Variants in CCDC149 observed in about 807,000 individuals in gnomAD.
CCDC149 encodes the protein coiled-coil domain containing 149.
Under a neutral mutation model 59.9 loss-of-function variants are expected in CCDC149, and 45 were observed. The ratio of observed to expected loss-of-function variants is 0.75; its 90% CI spans 0.59 to 0.96. The LOEUF is 0.96. CCDC149 is among the 40% of genes least tolerant of loss of function. The pLI is 0.00. For missense variants in CCDC149, 584 were observed against 664.7 expected (o/e 0.88, Z 1.33); for synonymous variants, 245 against 260.6 (o/e 0.94, Z 0.58).
At chr4:24,938,162 C>T (rs1227512397) in intron 1 of CCDC149, among the ~76,000 whole-genome samples, 2 of 152,118 alleles carry the variant, frequency 1.3e-5, no homozygotes, top group Non-Finnish European at 2.9e-5. Flanking sequence ...TTCAGCCAGA[C>T]CCTAAGAATG....
intron 12 of CCDC149, among the ~76,000 whole-genome samples, chr4:24,811,461 A>G (rs1023593521): frequency 6.6e-6 from 1 of 152,008 alleles, no homozygotes; most frequent in African/African-American, 2.4e-5. Flanking sequence ...CTCTCCTTCA[A>G]TCTAGTTCTG....
At chr4:24,816,652 T>C (rs934214115) in intron 12 of CCDC149, among the ~76,000 whole-genome samples, 2 of 152,168 alleles carry the variant, frequency 1.3e-5, no homozygotes, top group African/African-American at 4.8e-5. Flanking sequence ...TTAAAAATAA[T>C]AGTAATTATT....
chr4:24,808,598 C>G lies in CCDC149; in HGVS notation c.1414G>C (p.Glu472Gln), dbSNP rs1332340580. The G allele has an allele frequency of 8.4e-6, 13 of 1,552,236 alleles. No individual in the cohort carries two copies. Among genetic ancestry groups the G allele is most frequent in the Non-Finnish European group, 1.1e-5 (13 of 1,147,100 alleles). The change falls in exon 13 of 13, where the codon GAA becomes CAA. Residue 472 changes from glutamate (E) to glutamine (Q), a missense_variant. Physicochemically the swap from Glu to Gln is conservative, Grantham distance 29 (BLOSUM62 2). Coordinates refer to ENST00000635206, the MANE Select transcript of CCDC149 (RefSeq NM_001330643.2). The stretch of plus-strand genomic sequence containing the variant: ...CTCTCTCTTCTGACCTCTTCCAGTT[C>G]TGCAGCTGCCTGTTCCTTTGTCAGT...
intron 1 of CCDC149, among the ~76,000 whole-genome samples, chr4:24,893,049 A>G (rs1053899638): frequency 6.6e-6 from 1 of 152,220 alleles, no homozygotes; most frequent in Admixed American, 6.5e-5. Context: ...TCATGAGGGC[A>G]GAGCCTTCCT....
Position 24,822,497 on chromosome 4 carries a change from CTG to C in CCDC149, c.1040_1041del (p.Pro347ArgfsTer26). 1.3e-6 allele frequency: 2 copies of C among 1,513,610 alleles called. No individual in the cohort carries two copies. Among genetic ancestry groups the C allele is most frequent in the Non-Finnish European group, 1.8e-6 (2 of 1,130,406 alleles). 93.8% of individuals were successfully genotyped at this position (1,513,610 alleles called of 1,614,324 possible). A position where few individuals can be genotyped will look rare whatever the true frequency, so the allele number is the denominator to read the frequency against. Reference sequence around the variant, plus strand: ...ATTGTTTTCATGAGGTTCTGTTTACCTGGAAGACTCCACAAACCAGAAACTTC... The same window carrying C: ...ATTGTTTTCATGAGGTTCTGTTTACCGAAGACTCCACAAACCAGAAACTTC... On this transcript the variant is annotated frameshift_variant and splice_region_variant, in exon 10 of 13. Coordinates refer to ENST00000635206, the MANE Select transcript of CCDC149 (RefSeq NM_001330643.2). LOFTEE classifies it high-confidence loss of function.
intron 3 of CCDC149, among the ~76,000 whole-genome samples, chr4:24,873,038 A>G (rs976880712): frequency 6.8e-6 from 1 of 147,234 alleles, no homozygotes; most frequent in Non-Finnish European, 1.5e-5. Flanking sequence ...ACCAAATGGT[A>G]TGCACCCACC....
chr4:24,970,836 C>A (rs1723946697), intron 1 of CCDC149, among the ~76,000 whole-genome samples: 1 of 152,072 alleles, frequency 6.6e-6, no homozygotes, highest in Non-Finnish European at 1.5e-5. Flanking sequence ...GTGCAATGAG[C>A]CCCCTGGTGG....
intron 4 of CCDC149, among the ~76,000 whole-genome samples, chr4:24,841,622 G>A (rs1372354653): frequency 6.6e-6 from 1 of 152,218 alleles, no homozygotes; most frequent in Non-Finnish European, 1.5e-5. Flanking sequence ...CCGCAGAGGA[G>A]ATGGCAGAGC....
chr4:24,941,876 A>G (rs2109348867), intron 1 of CCDC149, among the ~76,000 whole-genome samples: 1 of 152,302 alleles, frequency 6.6e-6, no homozygotes, highest in South Asian at 2.1e-4. Flanking sequence ...TAGACCAATA[A>G]CAGGCTCTGA....
intron 1 of CCDC149, among the ~76,000 whole-genome samples, chr4:24,933,896 C>A (rs775040564): frequency 6.6e-6 from 1 of 152,140 alleles, no homozygotes; most frequent in Non-Finnish European, 1.5e-5. Flanking sequence ...CCATGTGACA[C>A]CAGTTGGAGT....
chr4:24,874,252 T>TTG (rs1463244276), intron 2 of CCDC149, among the ~76,000 whole-genome samples: 2 of 70,118 alleles, frequency 2.9e-5, no homozygotes, highest in African/African-American at 1.5e-4. Flanking sequence ...TTGTTTTTTT[T>TTG]TTTTTTTGTT....
intron 4 of CCDC149, among the ~76,000 whole-genome samples, chr4:24,840,689 T>C (rs1716882013): frequency 1.3e-5 from 2 of 152,186 alleles, no homozygotes; most frequent in Non-Finnish European, 2.9e-5. Flanking sequence ...CTGGAAGTGC[T>C]TGCACTTAGT....
chr4:24,902,105 G>C (rs1356637409), intron 1 of CCDC149, among the ~76,000 whole-genome samples: 1 of 152,206 alleles, frequency 6.6e-6, no homozygotes, highest in East Asian at 1.9e-4. Context: ...TCAAGGGTTA[G>C]GTTGAAAACT....
intron 12 of CCDC149, among the ~76,000 whole-genome samples, chr4:24,813,279 C>A (rs13142170): frequency 0.18 from 27,975 of 151,708 alleles, 2,738 homozygotes; most frequent in East Asian, 0.3. Flanking sequence ...GACTTCCCAG[C>A]CTCTGGAACT....
At chr4:24,956,292 CACCCTCTCAGTG>C (rs1723463747) in intron 1 of CCDC149, among the ~76,000 whole-genome samples, 1 of 151,966 alleles carries the variant, frequency 6.6e-6, no homozygotes, top group Non-Finnish European at 1.5e-5. Context: ...AGTTCCAACT[CACCCTCTCAGTG>C]ACCCTCTATT....
In CCDC149 at chr4:24,931,835, A is replaced by ATATGTATATATATATATATATATG. The variant is rs1345509871; in HGVS notation, c.-64-36718_-64-36717insCATATATATATATATATATACATA. The stretch of plus-strand genomic sequence containing the variant: ...TATATTGTATGGAGAGTATGTATAT[A>ATATGTATATATATATATATATATG]TATATATATATATATATGCATAATC... On this transcript the variant is annotated intron_variant, in intron 1 of 12. Coordinates refer to the CCDC149 transcript ENST00000389609. Among the ~76,000 whole-genome samples the ATATGTATATATATATATATATATG allele has an allele frequency of 3.9e-5, 4 of 102,092 alleles. 1 individual carries two copies. The highest frequency in any genetic ancestry group is 3.3e-4 in the South Asian group (1 of 3,002). The allele number at this position is 102,092 out of a possible 152,430, so 67.0% of individuals were successfully genotyped here. A position where few individuals can be genotyped will look rare whatever the true frequency, so the allele number is the denominator to read the frequency against.
In CCDC149 at chr4:24,837,783, T is replaced by C. The variant is rs1374192383; in HGVS notation, c.489+373A>G. 1.3e-5 allele frequency among the ~76,000 whole-genome samples: 2 copies of C among 152,238 alleles called. No individual in the cohort carries two copies. Among genetic ancestry groups the C allele is most frequent in the Non-Finnish European group, 2.9e-5 (2 of 68,036 alleles). On this transcript the variant is annotated intron_variant, in intron 5 of 12. Transcript: ENST00000635206. This position sits in a 1 kb window ranked among gnomAD's most constrained non-coding sequence, Gnocchi z 4.3. ...GAAAATGAACTTTAGGCTCTCTTAG[T>C]TGTTACCTAACTAGGGCTCTGCACT... is the stretch of plus-strand genomic sequence containing the variant.
rs73105527 is a variant in CCDC149, at chr4:24,972,578, A to G, written c.-65+7491T>C. Among the ~76,000 whole-genome samples the G allele has an allele frequency of 7.1e-3, 1,083 of 152,236 alleles. 8 individuals carry two copies. Among genetic ancestry groups the G allele is most frequent in the African/African-American group, 0.025 (1,041 of 41,522 alleles). ...TCCCCTCGGCCTCCCAAATGCTAGA[A>G]TTACAGACACGAGCCACCACGCCCA... On this transcript the variant is annotated intron_variant, in intron 1 of 12. Coordinates refer to the CCDC149 transcript ENST00000389609.
intron 1 of CCDC149, among the ~76,000 whole-genome samples, chr4:24,941,278 A>C (rs1351690175): frequency 6.6e-6 from 1 of 152,208 alleles, no homozygotes; most frequent in Non-Finnish European, 1.5e-5. Flanking sequence ...AAACTGAACA[A>C]CCTGCTCCTG....
Sources: gnomAD v4.1 joint callset for allele counts (sites outside exome capture counted in the v4.1 genomes callset) on GRCh38, gnomAD v4.1.1 for gene constraint, Gnocchi (gnomAD v3.1) non-coding constraint, MANE v1.5 for transcripts, NCBI Gene and HGNC (gene_info 2026-07-23, HGNC 2026-07-21) for gene names.